Variants in NAALADL2 observed in about 807,000 individuals in gnomAD.
NAALADL2 encodes inactive N-acetylated-alpha-linked acidic dipeptidase-like protein 2.
NAALADL2 carries 76 observed loss-of-function variants against 87.2 expected under a neutral mutation model. The ratio of observed to expected loss-of-function variants is 0.87; its 90% CI spans 0.72 to 1.05. The LOEUF (loss-of-function observed/expected upper bound fraction) is 1.05, where lower values mean the gene tolerates loss of function less well. Ranked by LOEUF, NAALADL2 falls within the 50% of genes least tolerant of loss-of-function variation. The pLI is 0.00. For missense variants in NAALADL2, 1,089 were observed against 945.8 expected, an observed-to-expected ratio of 1.15 and a Z score of -1.99; for synonymous variants, 354 against 331.0, an observed-to-expected ratio of 1.07 and a Z score of -0.75.
chr3:174,888,665 C>G (rs948515838), intron 1 of NAALADL2, among the ~76,000 whole-genome samples: 1 of 152,208 alleles, frequency 6.6e-6, no homozygotes, highest in African/African-American at 2.4e-5. Flanking sequence ...TCAAGCTTAT[C>G]AACCTTGCGC....
chr3:175,526,289 A>G (rs1317480283), intron 9 of NAALADL2, among the ~76,000 whole-genome samples: 5 of 152,212 alleles, frequency 3.3e-5, no homozygotes, highest in Admixed American at 6.5e-5. Context: ...TGTGCTTTAC[A>G]GTATATTTTG....
chr3:174,467,929 T>C (rs1049301457), intron 1 of NAALADL2, among the ~76,000 whole-genome samples: 4 of 152,144 alleles, frequency 2.6e-5, no homozygotes, highest in Admixed American at 2.6e-4. Flanking sequence ...CTTAGGAATT[T>C]CAGTGTTATC....
At chr3:175,598,415 G>A (rs1034340722) in intron 10 of NAALADL2, among the ~76,000 whole-genome samples, 1 of 151,640 alleles carries the variant, frequency 6.6e-6, no homozygotes, top group Non-Finnish European at 1.5e-5. Context: ...TGAAAAACAG[G>A]TTCAGGTAAT....
intron 1 of NAALADL2, among the ~76,000 whole-genome samples, chr3:174,453,990 TG>T (rs1421865935): frequency 1.3e-5 from 2 of 152,164 alleles, no homozygotes; most frequent in African/African-American, 4.8e-5. Context: ...CCGAATTATA[TG>T]CTGTCTTCGG....
At chr3:174,768,276 G>T (rs1714102581) in intron 3 of NAALADL2, among the ~76,000 whole-genome samples, 1 of 152,104 alleles carries the variant, frequency 6.6e-6, no homozygotes, top group Non-Finnish European at 1.5e-5. Context: ...TTATACTTAA[G>T]TAAAATTGGA....
rs530860340 is a variant in NAALADL2, at chr3:175,300,115, C to T, written c.940-24060C>T. Reference sequence around the variant, plus strand: ...TATTGATTTGCATATGCTGAACCAGCCTTGCATCCCTGGTATGAAGCTGAC... The same window carrying T: ...TATTGATTTGCATATGCTGAACCAGTCTTGCATCCCTGGTATGAAGCTGAC... On this transcript the variant is annotated intron_variant, in intron 4 of 13. Coordinates refer to ENST00000454872, the MANE Select transcript of NAALADL2 (RefSeq NM_207015.3). Among the ~76,000 whole-genome samples the T allele has an allele frequency of 1.6e-3, 239 of 152,304 alleles. 1 individual carries two copies. The highest frequency in any genetic ancestry group is 5.4e-3 in the African/African-American group (223 of 41,568).
intron 3 of NAALADL2, among the ~76,000 whole-genome samples, chr3:174,787,604 T>TATAC (rs1716929613): frequency 2.6e-4 from 23 of 87,924 alleles, no homozygotes; most frequent in Non-Finnish European, 3.4e-4. Flanking sequence ...TATATATATA[T>TATAC]ATATATATAT....
chr3:174,969,065 C>T (rs1743260456), intron 1 of NAALADL2, among the ~76,000 whole-genome samples: 1 of 152,198 alleles, frequency 6.6e-6, no homozygotes, highest in South Asian at 2.1e-4. Context: ...TGACCTGGAA[C>T]TGGTATGGCT....
At chr3:175,440,666 C>G (rs111477937) in intron 5 of NAALADL2, among the ~76,000 whole-genome samples, 1 of 152,044 alleles carries the variant, frequency 6.6e-6, no homozygotes, top group African/African-American at 2.4e-5. Flanking sequence ...GGGTTGAGTT[C>G]TTGATTCGAT....
intron 11 of NAALADL2, among the ~76,000 whole-genome samples, chr3:175,628,217 A>C (rs1463365630): frequency 6.6e-6 from 1 of 151,754 alleles, no homozygotes; most frequent in Non-Finnish European, 1.5e-5. Context: ...GAGACATTCA[A>C]GACTTTTTTC....
intron 2 of NAALADL2, among the ~76,000 whole-genome samples, chr3:175,204,393 C>T (rs959633364): frequency 6.6e-6 from 1 of 152,124 alleles, no homozygotes; most frequent in African/African-American, 2.4e-5. Context: ...CAATATCCAG[C>T]ATCACTCTAT....
At position 174,645,111 on chromosome 3, in the gene NAALADL2, G is replaced by A. The variant is rs545090796; in HGVS notation, c.-114-92530G>A. ...CCTGATTGCAGAGAAAACAGCTCCC[G>A]GTCTAGGGCTAATTTCGTACAGCTG... On this transcript the variant is annotated intron_variant, in intron 2 of 3. Coordinates refer to the NAALADL2 transcript ENST00000434257. Among the ~76,000 whole-genome samples, 10 of 152,248 alleles carry A rather than the reference G, an allele frequency of 6.6e-5. No homozygotes were observed. The South Asian group carries it at 1.5e-3, about 22-fold the overall frequency.
chr3:174,836,708 C>CAA (rs36091749), intron 3 of NAALADL2, among the ~76,000 whole-genome samples: 11,034 of 64,938 alleles, frequency 0.17, 1,667 homozygotes, highest in East Asian at 0.41. Context: ...GACTCCGTCT[C>CAA]AAAAAAAAAA....
chr3:175,667,225 A>AAG (rs1210715444), intron 11 of NAALADL2, among the ~76,000 whole-genome samples: 2 of 124,530 alleles, frequency 1.6e-5, no homozygotes, highest in Non-Finnish European at 3.1e-5. Flanking sequence ...GAAAGAAAGA[A>AAG]AGAAAGAAAG....
intron 10 of NAALADL2, among the ~76,000 whole-genome samples, chr3:175,608,144 CTAAG>C (rs746307708): frequency 1.9e-4 from 28 of 150,536 alleles, no homozygotes; most frequent in Non-Finnish European, 2.7e-4. Context: ...CTTATTTCCA[CTAAG>C]TGAGAAATTA....
chr3:174,713,116 C>A (rs1487355245), intron 2 of NAALADL2, among the ~76,000 whole-genome samples: 1 of 152,154 alleles, frequency 6.6e-6, no homozygotes, highest in Non-Finnish European at 1.5e-5. Flanking sequence ...ATCCATGTCC[C>A]TACAAAGGAC....
At chr3:175,140,385 C>T (rs1560081413) in intron 2 of NAALADL2, among the ~76,000 whole-genome samples, 2 of 152,046 alleles carry the variant, frequency 1.3e-5, no homozygotes, top group Non-Finnish European at 2.9e-5. Context: ...TTATAGTCTT[C>T]TGGGAATGAG....
chr3:174,887,247 A>G (rs75692848), intron 1 of NAALADL2, among the ~76,000 whole-genome samples: 62 of 149,586 alleles, frequency 4.1e-4, no homozygotes, highest in Non-Finnish European at 7.7e-4. Context: ...AATTAGTTAA[A>G]TGTAATTTAG....
chr3:174,487,200 C>T (rs1200165914), intron 1 of NAALADL2, among the ~76,000 whole-genome samples: 1 of 152,002 alleles, frequency 6.6e-6, no homozygotes, highest in African/African-American at 2.4e-5. Context: ...TTGTGTCATT[C>T]TGGAGGCTAG....
Sources: gnomAD v4.1 joint callset for allele counts (sites outside exome capture counted in the v4.1 genomes callset) on GRCh38, gnomAD v4.1.1 for gene constraint, MANE v1.5 for transcripts, NCBI Gene and HGNC (gene_info 2026-07-23, HGNC 2026-07-21) for gene names.